The following SLC35F4 variants were observed in gnomAD, a reference collection of about 807,000 sequenced individuals.
The protein encoded by SLC35F4 is solute carrier family 35 member F4.
In SLC35F4, 24 loss-of-function variants were observed where a neutral mutation model predicts 44.2. That is an observed-to-expected ratio of 0.54 (90% CI 0.39 to 0.76). The LOEUF (loss-of-function observed/expected upper bound fraction) is 0.76, where lower values mean the gene tolerates loss of function less well. Among genes scored for constraint, SLC35F4 ranks in the 30% least tolerant of loss-of-function variants. The pLI is 0.00. For synonymous variants in SLC35F4, 238 were observed against 223.6 expected (o/e 1.06, Z -0.57); for missense variants, 562 against 586.1 (o/e 0.96, Z 0.42).
chr14:57,981,907 A>G (rs1211622027), intron 1 of SLC35F4: 2 of 152,216 alleles, frequency 1.3e-5, no homozygotes, highest in Non-Finnish European at 2.9e-5. Flanking sequence ...TTATAGTATT[A>G]CTTACAAAAG....
chr14:57,586,993 G>A (rs1033040653), intron 3 of SLC35F4, among the ~76,000 whole-genome samples: 3 of 84,360 alleles, frequency 3.6e-5, no homozygotes, highest in East Asian at 5.5e-4. Context: ...AAAAGAAGAC[G>A]TTTATGCAGC....
chr14:57,565,290 A>G (rs2068150533), intron 7 of SLC35F4, among the ~76,000 whole-genome samples: 1 of 152,148 alleles, frequency 6.6e-6, no homozygotes, highest in Admixed American at 6.6e-5. Context: ...TCTTTTTAGC[A>G]TGAGCTACCC....
intron 1 of SLC35F4, among the ~76,000 whole-genome samples, chr14:57,712,951 T>TCTGC (rs2075849932): frequency 6.6e-6 from 1 of 152,220 alleles, no homozygotes; most frequent in African/African-American, 2.4e-5. Context: ...TTTTATATTT[T>TCTGC]CTGCCACCTC....
At chr14:57,778,566 T>G (rs1011002231) in intron 1 of SLC35F4, among the ~76,000 whole-genome samples, 1 of 151,772 alleles carries the variant, frequency 6.6e-6, no homozygotes, top group South Asian at 2.1e-4. Context: ...TATTAGATCA[T>G]TGAGGCAGAA....
intron 1 of SLC35F4, among the ~76,000 whole-genome samples, chr14:57,607,971 C>G (rs922881088): frequency 3.9e-5 from 6 of 152,072 alleles, no homozygotes; most frequent in Non-Finnish European, 8.8e-5. Context: ...TGATAAAACA[C>G]CATTTACAGA....
At chr14:57,903,918 C>T (rs1315181424) in intron 1 of SLC35F4, among the ~76,000 whole-genome samples, 1 of 152,168 alleles carries the variant, frequency 6.6e-6, no homozygotes, top group Admixed American at 6.6e-5. Context: ...GATTCTGTCA[C>T]TTGACAAGAA....
chr14:57,969,318 G>A (rs1355067566), intron 1 of SLC35F4, among the ~76,000 whole-genome samples: 2 of 152,218 alleles, frequency 1.3e-5, no homozygotes, highest in Non-Finnish European at 2.9e-5. Flanking sequence ...GTTTATTTTA[G>A]AAGAATGTTG....
At chr14:57,564,821 C>T (rs925313606) in intron 7 of SLC35F4, among the ~76,000 whole-genome samples, 1 of 147,280 alleles carries the variant, frequency 6.8e-6, no homozygotes, top group East Asian at 1.9e-4. Flanking sequence ...CAATATTATG[C>T]AGCCACCACC....
At chr14:57,826,126 A>G (rs1020513155) in intron 1 of SLC35F4, among the ~76,000 whole-genome samples, 1 of 152,228 alleles carries the variant, frequency 6.6e-6, no homozygotes, top group Non-Finnish European at 1.5e-5. Flanking sequence ...CTACAATGCT[A>G]CAGTAACCAA....
intron 1 of SLC35F4, among the ~76,000 whole-genome samples, chr14:57,777,956 G>T (rs965486995): frequency 6.6e-6 from 1 of 152,130 alleles, no homozygotes; most frequent in African/African-American, 2.4e-5. Flanking sequence ...TGGTGACATG[G>T]TTTGGCTGTG....
intron 3 of SLC35F4, 84 bp from the exon 4 acceptor site, chr14:57,581,517 T>A: frequency 8.1e-7 from 1 of 1,238,232 alleles, no homozygotes; most frequent in Non-Finnish European, 1.1e-6. Flanking sequence ...CATTTTCAGG[T>A]AAGAGCACAA....
At chr14:57,796,613 C>T (rs756130575) in intron 1 of SLC35F4, among the ~76,000 whole-genome samples, 2 of 152,172 alleles carry the variant, frequency 1.3e-5, no homozygotes, top group Non-Finnish European at 2.9e-5. Flanking sequence ...ACTCCTCTAG[C>T]AGCAAAACAT....
intron 4 of SLC35F4, among the ~76,000 whole-genome samples, chr14:57,573,846 G>A (rs7143590): frequency 0.043 from 6,560 of 152,246 alleles, 390 homozygotes; most frequent in African/African-American, 0.14. Flanking sequence ...TTGAGTTAAC[G>A]TTTGTTTTCT....
chr14:57,589,445 A>G lies in SLC35F4; in HGVS notation c.358T>C (p.Ser120Pro), dbSNP rs2070013934. The G allele has an allele frequency of 6.2e-7, 1 of 1,613,836 alleles. No individual in the cohort carries two copies. Among genetic ancestry groups the G allele is most frequent in the Non-Finnish European group, 8.5e-7 (1 of 1,179,896 alleles). The part of the protein sequence containing the change: ...QENRIKARCL[S>P]CTSMVLKGIW... ...CCCTTCAGAACCATGGACGTGCAGGACAGGCAGCGAGCCTTGATTCTGTTT... is the reference window on the plus strand; with the variant it reads ...CCCTTCAGAACCATGGACGTGCAGGGCAGGCAGCGAGCCTTGATTCTGTTT... Residue 120 changes from serine to proline, a missense_variant, in exon 3 of 8, where the codon TCC becomes CCC. Ser to Pro is a moderately conservative substitution (Grantham distance 74). Coordinates refer to ENST00000556826, the MANE Select transcript of SLC35F4 (RefSeq NM_001306087.2).
rs369796888 is a variant in SLC35F4 at position 57,669,391 on chromosome 14, G to A, written c.104-75267C>T. On this transcript the variant is annotated intron_variant, in intron 1 of 7. Coordinates refer to ENST00000556826, the MANE Select transcript of SLC35F4 (RefSeq NM_001306087.2). ...TGTTGAATAGGAGTGGTGAGAGAGG[G>A]CATCCCTGTCTTGTGCCAGTTTTGA... Among the ~76,000 whole-genome samples, 157 of 152,168 alleles carry A rather than the reference G, an allele frequency of 1.0e-3. 1 individual carries two copies. In the East Asian group the frequency reaches 0.014, roughly 14 times the overall value.
At chr14:57,829,065 C>A (rs555656304) in intron 1 of SLC35F4, among the ~76,000 whole-genome samples, 29 of 152,248 alleles carry the variant, frequency 1.9e-4, no homozygotes, top group African/African-American at 5.5e-4. Flanking sequence ...AATATTTGGG[C>A]CTGCCTTTAA....
At chr14:57,665,694 G>C (rs1205726055) in intron 1 of SLC35F4, among the ~76,000 whole-genome samples, 2 of 152,148 alleles carry the variant, frequency 1.3e-5, no homozygotes, top group African/African-American at 4.8e-5. Flanking sequence ...GTTCATTGCA[G>C]CACATTCACA....
chr14:57,888,568 G>A (rs977962022), intron 1 of SLC35F4, among the ~76,000 whole-genome samples: 10 of 152,010 alleles, frequency 6.6e-5, no homozygotes, highest in South Asian at 4.2e-4. Flanking sequence ...GCTCAATAAC[G>A]ACCAGTTGTT....
chr14:57,928,108 T>G (rs1889619111), intron 1 of SLC35F4, among the ~76,000 whole-genome samples: 1 of 151,106 alleles, frequency 6.6e-6, no homozygotes. Context: ...CAAAGACTCA[T>G]GGGAGAGCCT....
Sources: allele counts gnomAD v4.1 joint callset (sites outside exome capture counted in the v4.1 genomes callset), GRCh38; gene constraint gnomAD v4.1.1; transcripts MANE v1.5; gene names NCBI Gene and HGNC (gene_info 2026-07-23, HGNC 2026-07-21).